The following DPP10 variants were observed in gnomAD, a reference collection of about 807,000 sequenced individuals.
The protein encoded by DPP10 is inactive dipeptidyl peptidase 10.
Under a neutral mutation model 120.9 loss-of-function variants are expected in DPP10, and 33 were observed. That is an observed-to-expected ratio of 0.27 (90% CI 0.21 to 0.37). DPP10 has a LOEUF of 0.37. Ranked by LOEUF, DPP10 falls within the 10% of genes least tolerant of loss-of-function variation. The pLI is 1.00. For synonymous variants in DPP10, 337 were observed against 326.1 expected, an observed-to-expected ratio of 1.03 and a Z score of -0.36; for missense variants, 816 against 942.8, an observed-to-expected ratio of 0.87 and a Z score of 1.76.
intron 1 of DPP10, among the ~76,000 whole-genome samples, chr2:115,305,467 T>A (rs2061323393): frequency 6.6e-6 from 1 of 152,072 alleles, no homozygotes; most frequent in African/African-American, 2.4e-5. Context: ...GTGTAGTGGC[T>A]TATGGTTTTA....
chr2:115,213,122 C>T (rs563558093), intron 1 of DPP10, among the ~76,000 whole-genome samples: 2 of 152,218 alleles, frequency 1.3e-5, no homozygotes, highest in African/African-American at 2.4e-5. Flanking sequence ...GTAGAAAATT[C>T]TGAGAGAATT....
intron 1 of DPP10, among the ~76,000 whole-genome samples, chr2:114,517,493 C>T (rs1684692878): frequency 6.8e-6 from 1 of 147,064 alleles, no homozygotes; most frequent in South Asian, 2.1e-4. Flanking sequence ...GCACTCCAGC[C>T]TGGGTGATAT....
intron 8 of DPP10, among the ~76,000 whole-genome samples, chr2:115,738,597 T>A (rs1676890491): frequency 6.6e-6 from 1 of 152,166 alleles, no homozygotes; most frequent in Non-Finnish European, 1.5e-5. Context: ...CCCAATGCCT[T>A]TTCCCTCTAC....
intron 5 of DPP10, among the ~76,000 whole-genome samples, chr2:115,554,019 A>T (rs959942567): frequency 6.6e-6 from 1 of 150,590 alleles, no homozygotes; most frequent in African/African-American, 2.4e-5. Flanking sequence ...ACACACACAC[A>T]CACACACACA....
chr2:115,382,442 A>G (rs924411706), intron 3 of DPP10, among the ~76,000 whole-genome samples: 2 of 152,124 alleles, frequency 1.3e-5, no homozygotes, highest in African/African-American at 4.8e-5. Flanking sequence ...GCACCCACTG[A>G]CCTGCACCCA....
intron 3 of DPP10, among the ~76,000 whole-genome samples, chr2:115,353,643 A>C (rs565970893): frequency 6.6e-6 from 1 of 152,242 alleles, no homozygotes; most frequent in East Asian, 1.9e-4. Flanking sequence ...GTATGTTTCT[A>C]CTTTTCTAGG....
intron 3 of DPP10, among the ~76,000 whole-genome samples, chr2:115,477,488 A>G (rs2075160876): frequency 6.6e-6 from 1 of 152,198 alleles, no homozygotes; most frequent in Non-Finnish European, 1.5e-5. Flanking sequence ...GCTACAAAGC[A>G]TTCCTGGAAA....
intron 3 of DPP10, among the ~76,000 whole-genome samples, chr2:115,456,043 G>C (rs906413978): frequency 1.3e-5 from 2 of 152,024 alleles, no homozygotes; most frequent in Non-Finnish European, 2.9e-5. Context: ...CTACAGAATG[G>C]GAGAAAATTT....
intron 1 of DPP10, among the ~76,000 whole-genome samples, chr2:114,701,739 G>T (rs1166035182): frequency 1.3e-5 from 2 of 152,088 alleles, no homozygotes; most frequent in Admixed American, 1.3e-4. Flanking sequence ...TGGGGGGTGG[G>T]CAGTCCAGGA....
At chr2:115,829,255 C>G (rs1688680160) in intron 21 of DPP10, among the ~76,000 whole-genome samples, 2 of 152,104 alleles carry the variant, frequency 1.3e-5, no homozygotes, top group Non-Finnish European at 2.9e-5. Context: ...TATATAGTTT[C>G]AAATAGCTAG....
At chr2:115,033,949 G>A (rs1704040556) in intron 1 of DPP10, among the ~76,000 whole-genome samples, 1 of 125,828 alleles carries the variant, frequency 7.9e-6, no homozygotes, top group Non-Finnish European at 1.6e-5. Flanking sequence ...CCAGGCTGTA[G>A]TGCAGTGGTG....
chr2:114,775,238 A>G (rs772842845), intron 1 of DPP10, among the ~76,000 whole-genome samples: 16 of 152,192 alleles, frequency 1.1e-4, no homozygotes, highest in Non-Finnish European at 2.4e-4. Context: ...GCTAAAGGTC[A>G]TAAAGTGTCC....
chr2:114,518,330 G>T (rs1026894772), intron 1 of DPP10, among the ~76,000 whole-genome samples: 1 of 151,922 alleles, frequency 6.6e-6, no homozygotes, highest in Non-Finnish European at 1.5e-5. Flanking sequence ...CACCTGCCTC[G>T]GCCTCCCAAC....
intron 1 of DPP10, among the ~76,000 whole-genome samples, chr2:114,963,467 C>A (rs1227188062): frequency 2.6e-5 from 4 of 151,978 alleles, no homozygotes; most frequent in Non-Finnish European, 5.9e-5. Flanking sequence ...ACTGAATATA[C>A]AAGAAGTAAG....
intron 1 of DPP10, among the ~76,000 whole-genome samples, chr2:114,649,510 G>A (rs1696411934): frequency 1.3e-5 from 2 of 151,810 alleles, no homozygotes; most frequent in Admixed American, 1.3e-4. Context: ...CACCATGCCC[G>A]GCTAATTTTT....
At chr2:114,507,582 T>A (rs955853727) in intron 1 of DPP10, among the ~76,000 whole-genome samples, 14 of 152,054 alleles carry the variant, frequency 9.2e-5, no homozygotes, top group East Asian at 1.9e-4. Flanking sequence ...TTTCTTTTTT[T>A]AAAAAAAACC....
chr2:115,311,105 G>T (rs1047817129), intron 2 of DPP10, among the ~76,000 whole-genome samples: 1 of 152,090 alleles, frequency 6.6e-6, no homozygotes, highest in Non-Finnish European at 1.5e-5. Context: ...AGTTCATTTT[G>T]TCCTGCACTT....
chr2:115,373,395 C>G (rs771264189), intron 3 of DPP10, among the ~76,000 whole-genome samples: 2 of 152,012 alleles, frequency 1.3e-5, no homozygotes, highest in Admixed American at 6.6e-5. Context: ...GTGTAGTGCT[C>G]TACAGAATGT....
intron 3 of DPP10, among the ~76,000 whole-genome samples, chr2:115,405,717 G>A (rs1416095361): frequency 6.6e-6 from 1 of 152,206 alleles, no homozygotes; most frequent in Admixed American, 6.5e-5. Flanking sequence ...ATATTGCCAA[G>A]GCTTACGACT....
Sources: gnomAD v4.1 joint callset for allele counts (sites outside exome capture counted in the v4.1 genomes callset) on GRCh38, gnomAD v4.1.1 for gene constraint, MANE v1.5 for transcripts, NCBI Gene and HGNC (gene_info 2026-07-23, HGNC 2026-07-21) for gene names.